RBFOX1: variants seen among roughly 807,000 people sequenced by gnomAD.
RBFOX1 encodes the protein RNA binding fox-1 homolog 1, also known as RNA binding protein fox-1 homolog 1.
A neutral mutation model predicts 57.7 loss-of-function variants in RBFOX1; 8 were observed. The observed-to-expected ratio is 0.14, with a 90% confidence interval of 0.08 to 0.25. The LOEUF is 0.25. RBFOX1 is among the 10% of genes least tolerant of loss of function. The probability of loss-of-function intolerance (pLI) is 1.00; values close to 1 mark genes in which losing one functional copy is unlikely to be tolerated. For synonymous variants in RBFOX1, 326 were observed against 222.4 expected (o/e 1.47, Z -4.15); for missense variants, 611 against 548.5 (o/e 1.11, Z -1.14).
rs112881204 is a variant in RBFOX1, at chr16:7,670,634, A to T, written c.930+5666A>T. ...GAGGAGAGAGAGGAACAAGAATGTT[A>T]TCAGGCATCGCTCCGTAAGCTTAGA... On this transcript the variant is annotated intron_variant, in intron 13 of 15. Coordinates refer to ENST00000550418, the MANE Select transcript of RBFOX1 (RefSeq NM_018723.4). Among the ~76,000 whole-genome samples, 1,001 of 152,350 alleles carry T rather than the reference A, an allele frequency of 6.6e-3. 13 individuals are homozygous for T. The highest frequency in any genetic ancestry group is 0.022 in the African/African-American group (931 of 41,584).
intron 1 of RBFOX1, among the ~76,000 whole-genome samples, chr16:6,159,107 C>T (rs1425250904): frequency 1.3e-5 from 2 of 151,968 alleles, no homozygotes; most frequent in Non-Finnish European, 1.5e-5. Flanking sequence ...GATGGAGTCT[C>T]ATTCTGTCAC....
chr16:6,540,611 CAAAAAA>C (rs140566519), intron 2 of RBFOX1, among the ~76,000 whole-genome samples: 51 of 67,670 alleles, frequency 7.5e-4, no homozygotes, highest in African/African-American at 1.9e-3. Context: ...GACTCTGTCT[CAAAAAA>C]AAAAAAAAAA....
At chr16:5,649,989 CA>C (rs1457069987) in intron 3 of RBFOX1, among the ~76,000 whole-genome samples, 2 of 152,198 alleles carry the variant, frequency 1.3e-5, no homozygotes, top group African/African-American at 4.8e-5. Context: ...CAGGAAGAGG[CA>C]GAGTCGATGT....
At chr16:5,965,206 C>G (rs1481471373) in intron 4 of RBFOX1, among the ~76,000 whole-genome samples, 4 of 152,136 alleles carry the variant, frequency 2.6e-5, no homozygotes, top group South Asian at 2.1e-4. Flanking sequence ...ATAAGTTGAA[C>G]AAGTTCTGGA....
intron 4 of RBFOX1, among the ~76,000 whole-genome samples, chr16:7,420,326 C>T (rs367655994): frequency 2.6e-4 from 40 of 152,238 alleles, no homozygotes; most frequent in African/African-American, 8.9e-4. Flanking sequence ...TGTTTATCAT[C>T]TTATGCTTAG....
At chr16:6,361,762 C>T (rs984297433) in intron 2 of RBFOX1, among the ~76,000 whole-genome samples, 50 of 152,250 alleles carry the variant, frequency 3.3e-4, no homozygotes, top group African/African-American at 1.1e-3. Context: ...GCACAGGCGT[C>T]AGTGTATTTT....
chr16:7,412,220 G>T (rs2098435977), intron 4 of RBFOX1, among the ~76,000 whole-genome samples: 1 of 151,794 alleles, frequency 6.6e-6, no homozygotes, highest in Non-Finnish European at 1.5e-5. Flanking sequence ...TTCCAGACTA[G>T]CCTGGCCAAC....
chr16:6,124,905 G>A (rs1378731481), intron 1 of RBFOX1, among the ~76,000 whole-genome samples: 1 of 152,108 alleles, frequency 6.6e-6, no homozygotes, highest in African/African-American at 2.4e-5. Context: ...TCTACAACCA[G>A]CCTGCTTTCC....
intron 3 of RBFOX1, among the ~76,000 whole-genome samples, chr16:7,041,782 A>G (rs936593295): frequency 6.6e-6 from 1 of 152,250 alleles, no homozygotes; most frequent in South Asian, 2.1e-4. Flanking sequence ...GCTTCTTGTG[A>G]AAACCTCCTG....
intron 4 of RBFOX1, among the ~76,000 whole-genome samples, chr16:7,227,892 G>A (rs78257662): frequency 6.6e-6 from 1 of 152,184 alleles, no homozygotes; most frequent in Non-Finnish European, 1.5e-5. Flanking sequence ...ATTAGCTCAC[G>A]TGGTTATCCT....
Position 5,683,060 on chromosome 16 carries a change from G to C in RBFOX1, c.318+84099G>C, listed in dbSNP as rs1266172291. ...TGTCCACCTTTTAGGGTTATAGTAA[G>C]GATTTACTGAGATAAAGACTGGACA... On this transcript the variant is annotated intron_variant, in intron 3 of 19. Coordinates refer to the RBFOX1 transcript ENST00000641259. Among the ~76,000 whole-genome samples, 3 of 151,712 alleles carry C rather than the reference G, an allele frequency of 2.0e-5. No homozygotes were observed. In the East Asian group the frequency reaches 5.8e-4, roughly 29 times the overall value.
intron 1 of RBFOX1, among the ~76,000 whole-genome samples, chr16:6,110,195 C>CTTTTTTTTTTTTTTTTTTTTTTCTTTTT (rs3049169): frequency 2.3e-5 from 3 of 128,258 alleles, no homozygotes; most frequent in Non-Finnish European, 3.2e-5. Flanking sequence ...TTTTCTTCTT[C>CTTTTTTTTTTTTTTTTTTTTTTCTTTTT]TTTTTTTTTT....
chr16:7,045,059 C>G (rs59488337), intron 3 of RBFOX1, among the ~76,000 whole-genome samples: 22,494 of 152,002 alleles, frequency 0.15, 3,100 homozygotes, highest in African/African-American at 0.36. Context: ...TCTTTCTTCA[C>G]GGAAGATGTG....
chr16:7,696,368 T>A (rs1231921606), intron 14 of RBFOX1, among the ~76,000 whole-genome samples: 1 of 152,166 alleles, frequency 6.6e-6, no homozygotes, highest in East Asian at 1.9e-4. Flanking sequence ...TGAGTTGGAT[T>A]CTTCAATAGA....
At chr16:5,792,284 A>T (rs902898813) in intron 3 of RBFOX1, among the ~76,000 whole-genome samples, 2 of 152,168 alleles carry the variant, frequency 1.3e-5, no homozygotes, top group Non-Finnish European at 2.9e-5. Flanking sequence ...ATCCCTTTCT[A>T]AGTTCTCTTA....
chr16:7,384,469 G>T, intron 4 of RBFOX1, among the ~76,000 whole-genome samples: 1 of 152,156 alleles, frequency 6.6e-6, no homozygotes. Flanking sequence ...GCTGCTTATT[G>T]CAGTGGGTTT....
intron 3 of RBFOX1, among the ~76,000 whole-genome samples, chr16:5,831,252 C>T (rs2056260867): frequency 6.6e-6 from 1 of 151,892 alleles, no homozygotes; most frequent in African/African-American, 2.4e-5. Flanking sequence ...AACACTGTGC[C>T]CTTAGTGATG....
intron 4 of RBFOX1, among the ~76,000 whole-genome samples, chr16:7,368,895 G>T (rs967594384): frequency 6.6e-6 from 1 of 152,086 alleles, no homozygotes; most frequent in African/African-American, 2.4e-5. Flanking sequence ...CAAAGAAAGT[G>T]CCCTCTAATG....
rs910656454 is a variant in RBFOX1 at position 7,671,643 on chromosome 16, G to C, written c.931-5131G>C. The C allele has an allele frequency of 3.9e-5, 60 of 1,556,878 alleles. 1 individual carries two copies. In the Admixed American group the frequency reaches 1.0e-3, roughly 26 times the overall value. On this transcript the variant is annotated intron_variant, in intron 13 of 15. Transcript: ENST00000550418. ...TGGAGAAACTCATCACTATGATTGTGGGTTTGCTGTGAAATCCTTACTAAC... is the reference window on the plus strand; with the variant it reads ...TGGAGAAACTCATCACTATGATTGTCGGTTTGCTGTGAAATCCTTACTAAC...
Sources: gnomAD v4.1 joint callset for allele counts (sites outside exome capture counted in the v4.1 genomes callset) on GRCh38, gnomAD v4.1.1 for gene constraint, MANE v1.5 for transcripts, NCBI Gene and HGNC (gene_info 2026-07-23, HGNC 2026-07-21) for gene names.